MRO: variants seen among roughly 807,000 people sequenced by gnomAD.
The protein encoded by MRO is maestro.
In MRO, 28 loss-of-function variants were observed where a neutral mutation model predicts 31.0. The ratio of observed to expected loss-of-function variants is 0.90; its 90% confidence interval spans 0.67 to 1.24. The LOEUF (loss-of-function observed/expected upper bound fraction) is 1.24, where lower values mean the gene tolerates loss of function less well. Among genes scored for constraint, MRO ranks in the 50% most tolerant of loss-of-function variants. The probability of loss-of-function intolerance (pLI) is 0.00; values close to 1 mark genes in which losing one functional copy is unlikely to be tolerated. For missense variants in MRO, 332 were observed against 289.2 expected, an observed-to-expected ratio of 1.15 and a Z score of -1.07; for synonymous variants, 108 against 108.4, an observed-to-expected ratio of 1.00 and a Z score of 0.02.
At chr18:50,821,270 C>T (rs531731068), upstream of MRO, among the ~76,000 whole-genome samples, 1 of 152,062 alleles carries the variant, frequency 6.6e-6, no homozygotes, top group African/African-American at 2.4e-5. Context: ...ATCAAGGGCA[C>T]GAGGGAAAGG....
chr18:50,813,383 T>C (rs1392289095), intron 2 of MRO, among the ~76,000 whole-genome samples: 1 of 152,254 alleles, frequency 6.6e-6, no homozygotes, highest in Non-Finnish European at 1.5e-5. Context: ...AGATTCTCTC[T>C]GTTTGATTGA....
chr18:50,800,649 C>A, intron 6 of MRO, among the ~76,000 whole-genome samples: 1 of 152,126 alleles, frequency 6.6e-6, no homozygotes, highest in Non-Finnish European at 1.5e-5. Context: ...CCTTGGGAGG[C>A]TGAGGTGGGT....
upstream of MRO, chr18:50,820,024 T>C: frequency 1.4e-6 from 2 of 1,439,302 alleles, no homozygotes; most frequent in Non-Finnish European, 1.9e-6. Context: ...TCTGGGGACC[T>C]TTCCTCTGCA....
At chr18:50,819,513 T>C in intron 2 of MRO, 68 bp downstream of exon 2, 1 of 1,537,192 alleles carries the variant, frequency 6.5e-7, no homozygotes, top group Non-Finnish European at 8.8e-7. Flanking sequence ...AGAAAGGTTT[T>C]GGGAACCCAA....
chr18:50,801,981 GAAGA>G (rs1311204195), intron 5 of MRO, among the ~76,000 whole-genome samples: 2 of 152,094 alleles, frequency 1.3e-5, no homozygotes, highest in Non-Finnish European at 2.9e-5. Context: ...AAAAAATAAA[GAAGA>G]AAGATGTATA....
rs1409236668 is a variant in MRO at position 50,799,038 on chromosome 18, G to C, written c.*299C>G. The C allele has an allele frequency of 4.4e-6, 1 of 229,720 alleles. No homozygotes were observed. Among genetic ancestry groups the C allele is most frequent in the Non-Finnish European group, 8.4e-6 (1 of 118,480 alleles). 14.2% of individuals were successfully genotyped at this position (229,720 alleles called of 1,614,324 possible). A position where few individuals can be genotyped will look rare whatever the true frequency, so the allele number is the denominator to read the frequency against. On this transcript the variant is annotated 3_prime_UTR_variant, in exon 8 of 8. Coordinates refer to ENST00000398439, the MANE Select transcript of MRO (RefSeq NM_031939.6). ...CAGAGATGAACTTAAGAAAGAAAAAGCTGAGAAATAAGCACTGAATCTATA... is the reference window on the plus strand; with the variant it reads ...CAGAGATGAACTTAAGAAAGAAAAACCTGAGAAATAAGCACTGAATCTATA...
intron 3 of MRO, 117 bp from the exon 4 acceptor site, chr18:50,806,967 T>C (rs1428411498): frequency 5.9e-6 from 6 of 1,013,846 alleles, no homozygotes; most frequent in Non-Finnish European, 7.4e-6. Flanking sequence ...TTACCCCTTC[T>C]TTCTCCTACT....
chr18:50,809,142 CTCAAAAAAAAAAAAAA>C (rs1366154539), intron 3 of MRO, among the ~76,000 whole-genome samples, 144 bp downstream of exon 3: 2 of 66,446 alleles, frequency 3.0e-5, no homozygotes, highest in Non-Finnish European at 6.2e-5. Flanking sequence ...GAGACTCCGT[CTCAAAAAAAAAAAAAA>C]AAAAAAAAAA....
In MRO at chr18:50,795,789, A is replaced by G. The variant is rs1912738023; in HGVS notation, c.*3548T>C. On this transcript the variant is annotated 3_prime_UTR_variant, in exon 8 of 8. Transcript: ENST00000398439. ...ACCCCGTCTCTACTAAAAACACAAA[A>G]ATTAGCCAGCCATGGTGGCAGGCAC... The G allele has an allele frequency of 6.6e-6, 1 of 152,350 alleles. No individual in the cohort carries two copies. The highest frequency in any genetic ancestry group is 2.1e-4 in the South Asian group (1 of 4,830). The allele number at this position is 152,350 out of a possible 1,614,324, so 9.4% of individuals were successfully genotyped here. A position where few individuals can be genotyped will look rare whatever the true frequency, so the allele number is the denominator to read the frequency against.
chr18:50,801,107 C>T (rs192356814), intron 6 of MRO, among the ~76,000 whole-genome samples: 6 of 152,276 alleles, frequency 3.9e-5, no homozygotes, highest in African/African-American at 1.2e-4. Context: ...CCCCATTACC[C>T]TGAGCTTATC....
At chr18:50,802,521 T>C (rs1326186378) in intron 5 of MRO, among the ~76,000 whole-genome samples, 2 of 151,950 alleles carry the variant, frequency 1.3e-5, no homozygotes, top group African/African-American at 4.8e-5. Context: ...ATATCAGTGT[T>C]TTGTAGTCTA....
upstream of MRO, chr18:50,820,041 A>C (rs1350229165): frequency 7.7e-6 from 10 of 1,307,186 alleles, no homozygotes; most frequent in South Asian, 1.1e-4. Context: ...TGCACCAAAC[A>C]AAACCTCCCT....
intron 7 of MRO, 101 bp downstream of exon 7, chr18:50,799,935 T>C: frequency 1.2e-6 from 1 of 818,980 alleles, no homozygotes. Flanking sequence ...GCCTGAGTCA[T>C]TTTAAGGGGG....
rs1912739935 is a variant in MRO, at chr18:50,795,805, T to C, written c.*3532A>G. ...AAACACAAAAATTAGCCAGCCATGGTGGCAGGCACCTGTAATCCCAGCTAC... is the reference window on the plus strand; with the variant it reads ...AAACACAAAAATTAGCCAGCCATGGCGGCAGGCACCTGTAATCCCAGCTAC... On this transcript the variant is annotated 3_prime_UTR_variant, in exon 8 of 8. Transcript: ENST00000398439. 1 of 152,426 alleles carries C rather than the reference T, an allele frequency of 6.6e-6. No homozygotes were observed. Among genetic ancestry groups the C allele is most frequent in the Non-Finnish European group, 1.5e-5 (1 of 68,274 alleles). 9.4% of individuals were successfully genotyped at this position (152,426 alleles called of 1,614,324 possible). A position where few individuals can be genotyped will look rare whatever the true frequency, so the allele number is the denominator to read the frequency against.
At chr18:50,805,744 A>T (rs1441062079) in intron 4 of MRO, among the ~76,000 whole-genome samples, 5 of 151,286 alleles carry the variant, frequency 3.3e-5, no homozygotes, top group Non-Finnish European at 5.9e-5. Context: ...TTAAATTACT[A>T]GAAAAAAAAA....
At position 50,805,150 on chromosome 18, in the gene MRO, T is replaced by C; in HGVS notation, c.429+4A>G. The stretch of plus-strand genomic sequence containing the variant: ...ATAACCCAGAATTTTTCTGATTTAC[T>C]TACGTCATCTAATAAAGTCCTGGTC... On this transcript the variant is annotated splice_donor_region_variant and intron_variant, in intron 5 of 7. Coordinates refer to ENST00000398439, the MANE Select transcript of MRO (RefSeq NM_031939.6). 6.2e-7 allele frequency: 1 copy of C among 1,607,418 alleles called. No individual in the cohort carries two copies. Among genetic ancestry groups the C allele is most frequent in the Non-Finnish European group, 8.5e-7 (1 of 1,174,380 alleles).
upstream of MRO, among the ~76,000 whole-genome samples, chr18:50,822,470 C>G (rs1280028691): frequency 6.6e-6 from 1 of 152,050 alleles, no homozygotes; most frequent in Non-Finnish European, 1.5e-5. Flanking sequence ...TACCGAGTAG[C>G]GGGACTACAG....
At chr18:50,811,691 T>C (rs1914485715) in intron 2 of MRO, among the ~76,000 whole-genome samples, 1 of 152,104 alleles carries the variant, frequency 6.6e-6, no homozygotes, top group African/African-American at 2.4e-5. Context: ...TGTATCTGCT[T>C]TCATTTATTT....
chr18:50,800,013 C>T, intron 7 of MRO, 23 bp downstream of exon 7: 1 of 1,553,066 alleles, frequency 6.4e-7, no homozygotes, highest in South Asian at 1.1e-5. Context: ...GAAAAGAATT[C>T]TCTCCTACCC....
Sources: gnomAD v4.1 joint callset for allele counts (sites outside exome capture counted in the v4.1 genomes callset) on GRCh38, gnomAD v4.1.1 for gene constraint, MANE v1.5 for transcripts, NCBI Gene and HGNC (gene_info 2026-07-23, HGNC 2026-07-21) for gene names.